Variants in SMARCA1 observed in about 807,000 individuals in gnomAD.
SMARCA1 encodes SNF2 related chromatin remodeling ATPase 1.
Under a neutral mutation model 93.6 loss-of-function variants are expected in SMARCA1, and 17 were observed. The ratio of observed to expected loss-of-function variants is 0.18; its 90% CI spans 0.12 to 0.27. The LOEUF is 0.27. Ranked by LOEUF, SMARCA1 falls within the 10% of genes least tolerant of loss-of-function variation. The pLI is 1.00. For missense variants in SMARCA1, 630 were observed against 819.0 expected, an observed-to-expected ratio of 0.77 and a Z score of 2.82; for synonymous variants, 271 against 271.4, an observed-to-expected ratio of 1.00 and a Z score of 0.01.
At chrX:129,465,120 T>C (rs1210945720) in intron 23 of SMARCA1, among the ~76,000 whole-genome samples, 2 of 111,597 alleles carry the variant, frequency 1.8e-5, no homozygotes, top group Non-Finnish European at 3.8e-5. Context: ...ATAGACTGTA[T>C]ACTAAATGAC....
At chrX:129,504,568 A>AAAAAAAAAAAAAAC (rs1569446161) in intron 9 of SMARCA1, among the ~76,000 whole-genome samples, 166 bp downstream of exon 9, 5 of 98,021 alleles carry the variant, frequency 5.1e-5, no homozygotes, top group African/African-American at 1.3e-4. Flanking sequence ...AAAAAAAAAA[A>AAAAAAAAAAAAAAC]AAAAAAAAAA....
chrX:129,522,983 C>T (rs144024266), intron 1 of SMARCA1, among the ~76,000 whole-genome samples: 2,444 of 111,038 alleles, frequency 0.022, 77 homozygotes, highest in African/African-American at 0.075. Context: ...CGCTCCCGCC[C>T]GCGCCCAGCC....
Position 129,490,038 on chromosome X carries a change from T to G in SMARCA1, c.1948+22A>C, listed in dbSNP as rs887819855. On this transcript the variant is annotated intron_variant, in intron 15 of 24. Transcript: ENST00000371121. ...CATGTGTTTTACAAAAAACACCTAA[T>G]TAAGTTTCTATGTATAAATACCTTG... The G allele has an allele frequency of 5.3e-6, 6 of 1,126,072 alleles. No homozygotes were observed. In the Admixed American group the frequency reaches 1.2e-4, roughly 22 times the overall value. The allele number at this position is 1,126,072 out of a possible 1,213,427, so 92.8% of individuals were successfully genotyped here. A position where few individuals can be genotyped will look rare whatever the true frequency, so the allele number is the denominator to read the frequency against.
At chrX:129,504,563 A>AAAAAC (rs1458518257) in intron 9 of SMARCA1, among the ~76,000 whole-genome samples, 171 bp downstream of exon 9, 2 of 96,038 alleles carry the variant, frequency 2.1e-5, no homozygotes, top group Admixed American at 1.1e-4. Context: ...AAAAAAAAAA[A>AAAAAC]AAAAAAAAAA....
At chrX:129,467,921 C>G (rs1281468389) in intron 21 of SMARCA1, among the ~76,000 whole-genome samples, 6 of 112,192 alleles carry the variant, frequency 5.3e-5, no homozygotes, top group Non-Finnish European at 1.1e-4. Flanking sequence ...TTCTAAACAT[C>G]TTGTTTCAAA....
At chrX:129,507,091 TATCAG>T (rs1337328596) in intron 7 of SMARCA1, among the ~76,000 whole-genome samples, 13 of 112,113 alleles carry the variant, frequency 1.2e-4, no homozygotes, top group Non-Finnish European at 2.4e-4. Context: ...TGTGTCCTCT[TATCAG>T]ATATTAGTTC....
chrX:129,490,175 A>G lies in SMARCA1; in HGVS notation c.1833T>C (p.Ile611=), dbSNP rs1350837641. 19 of 1,191,590 alleles carry G rather than the reference A, an allele frequency of 1.6e-5. No homozygotes were observed. The highest frequency in any genetic ancestry group is 2.2e-5 in the Admixed American group (1 of 44,875). ...DLQAMDRAHR[I]GQKKPVRVFR... is the part of the protein sequence containing the mutation. Reference sequence around the variant, plus strand: ...ATACACGTACTGGTTTCTTCTGACCAATACGATGTGCTCGATCCTAGTAGA... The same window carrying G: ...ATACACGTACTGGTTTCTTCTGACCGATACGATGTGCTCGATCCTAGTAGA... Residue 611 remains isoleucine, a synonymous_variant, in exon 15 of 25, where the codon ATT becomes ATC. Coordinates refer to ENST00000371121, the MANE Select transcript of SMARCA1 (RefSeq NM_001282874.2).
chrX:129,458,734 C>T (rs764901732), intron 23 of SMARCA1, among the ~76,000 whole-genome samples: 3 of 112,070 alleles, frequency 2.7e-5, no homozygotes, highest in African/African-American at 6.5e-5. Flanking sequence ...GACAGGTCTG[C>T]GCCTGTTATG....
chrX:129,504,927 A>G (rs1400164042), intron 8 of SMARCA1, 125 bp from the exon 9 acceptor site: 1 of 444,918 alleles, frequency 2.2e-6, no homozygotes, highest in Non-Finnish European at 3.9e-6. Context: ...AAATATTATC[A>G]GCTGTGATAG....
intron 19 of SMARCA1, among the ~76,000 whole-genome samples, chrX:129,476,187 T>C (rs763331468): frequency 3.8e-4 from 43 of 112,152 alleles, no homozygotes; most frequent in African/African-American, 1.1e-3. Flanking sequence ...ACAACTCCTT[T>C]AAGTCGAAAG....
chrX:129,481,774 G>A (rs963068935), intron 17 of SMARCA1, among the ~76,000 whole-genome samples: 5 of 111,527 alleles, frequency 4.5e-5, no homozygotes, highest in African/African-American at 9.8e-5. Flanking sequence ...TCAGTGTGGC[G>A]ATTCCTCAGG....
intron 19 of SMARCA1, 24 bp from the exon 20 acceptor site, chrX:129,471,350 G>C: frequency 4.5e-6 from 5 of 1,116,254 alleles, no homozygotes; most frequent in Non-Finnish European, 6.1e-6. Flanking sequence ...GATAAACTAA[G>C]AGTAAACTGA....
At chrX:129,449,548 T>C (rs946251975) in intron 23 of SMARCA1, among the ~76,000 whole-genome samples, 3 of 112,201 alleles carry the variant, frequency 2.7e-5, no homozygotes, top group Non-Finnish European at 5.6e-5. Flanking sequence ...ATGCAAACTA[T>C]AAATACTTTT....
intron 23 of SMARCA1, among the ~76,000 whole-genome samples, chrX:129,449,829 CAA>C (rs1288747466): frequency 1.0e-5 from 1 of 98,104 alleles, no homozygotes. Flanking sequence ...GAAAACTCAC[CAA>C]AAAAAAAAAA....
intron 19 of SMARCA1, 135 bp downstream of exon 19, chrX:129,480,566 G>T: frequency 3.6e-6 from 1 of 273,973 alleles, no homozygotes. Flanking sequence ...TTCCTCTTTG[G>T]TTTTAAAAAC....
Position 129,471,167 on chromosome X carries a change from T to C in SMARCA1, c.2565+37A>G, listed in dbSNP as rs773957465. 3.6e-6 allele frequency: 4 copies of C among 1,109,589 alleles called. No individual in the cohort carries two copies. The Admixed American group carries it at 8.1e-5, about 23-fold the overall frequency. 91.4% of individuals were successfully genotyped at this position (1,109,589 alleles called of 1,213,427 possible). ...TCTATATTTTCTTTTTTTCTATTGATTGACTGTAAGTATTACAGCCATTGA... is the reference window on the plus strand; with the variant it reads ...TCTATATTTTCTTTTTTTCTATTGACTGACTGTAAGTATTACAGCCATTGA... On this transcript the variant is annotated intron_variant, in intron 20 of 24. Coordinates refer to ENST00000371121, the MANE Select transcript of SMARCA1 (RefSeq NM_001282874.2).
In SMARCA1 at chrX:129,471,130, T is replaced by C. The variant is rs899163613; in HGVS notation, c.2565+74A>G. ...ACACTAGGATACTAGGCCCATACAATAAAAAGTGTGATCTATATTTTCTTT... is the reference window on the plus strand; with the variant it reads ...ACACTAGGATACTAGGCCCATACAACAAAAAGTGTGATCTATATTTTCTTT... On this transcript the variant is annotated intron_variant, in intron 20 of 24. Transcript: ENST00000371121. 186 of 887,095 alleles carry C rather than the reference T, an allele frequency of 2.1e-4. 1 individual carries two copies. The highest frequency in any genetic ancestry group is 4.8e-4 in the Admixed American group (16 of 33,106). The allele number at this position is 887,095 out of a possible 1,213,427, so 73.1% of individuals were successfully genotyped here.
intron 20 of SMARCA1, among the ~76,000 whole-genome samples, chrX:129,470,779 G>C (rs1364216246): frequency 9.0e-6 from 1 of 111,340 alleles, no homozygotes; most frequent in East Asian, 2.8e-4. Context: ...TTGGGCAGGA[G>C]AATCACTTGA....
At chrX:129,507,616 C>T (rs765428434) in intron 7 of SMARCA1, among the ~76,000 whole-genome samples, 2 of 112,379 alleles carry the variant, frequency 1.8e-5, no homozygotes, top group East Asian at 5.6e-4. Flanking sequence ...TGCAGGGGTG[C>T]GATCTCGGCT....
Sources: gnomAD v4.1 joint callset for allele counts (sites outside exome capture counted in the v4.1 genomes callset) on GRCh38, gnomAD v4.1.1 for gene constraint, MANE v1.5 for transcripts, NCBI Gene and HGNC (gene_info 2026-07-23, HGNC 2026-07-21) for gene names.